The following PRDM7 variants were observed in gnomAD, a reference collection of about 807,000 sequenced individuals.
PRDM7 encodes histone-lysine N-methyltransferase PRDM7.
A neutral mutation model predicts 64.3 loss-of-function variants in PRDM7; 52 were observed. The observed-to-expected ratio is 0.81, with a 90% CI of 0.65 to 1.02. The LOEUF is 1.02. Among genes scored for constraint, PRDM7 ranks in the 50% least tolerant of loss-of-function variants. The pLI, the probability that PRDM7 is intolerant of heterozygous loss-of-function variation, is 0.00. For synonymous variants in PRDM7, 192 were observed against 210.1 expected, an observed-to-expected ratio of 0.91 and a Z score of 0.74; for missense variants, 574 against 597.1, an observed-to-expected ratio of 0.96 and a Z score of 0.40.
Position 90,057,718 on chromosome 16 carries a change from G to A in PRDM7, c.*571C>T, listed in dbSNP as rs1240457519. On this transcript the variant is annotated 3_prime_UTR_variant, in exon 11 of 11. Transcript: ENST00000449207. ...TTATTTCCGATCTCTTTACACTCTC[G>A]GGGAATGTAAGGGGTTAGCAGACTT... The A allele has an allele frequency of 8.9e-6, 11 of 1,233,044 alleles. No individual in the cohort carries two copies. The highest frequency in any genetic ancestry group is 7.9e-5 in the African/African-American group (5 of 63,470). 76.4% of individuals were successfully genotyped at this position (1,233,044 alleles called of 1,614,324 possible). A position where few individuals can be genotyped will look rare whatever the true frequency, so the allele number is the denominator to read the frequency against.
At chr16:90,066,828 G>T (rs1014843955) in intron 5 of PRDM7, 33 bp downstream of exon 5, 2 of 1,532,644 alleles carry the variant, frequency 1.3e-6, no homozygotes, top group African/African-American at 1.4e-5. Flanking sequence ...TATGAGGAAG[G>T]TTTCTTGTCA....
chr16:90,072,074 C>CA (rs1442403508), intron 4 of PRDM7, among the ~76,000 whole-genome samples: 1 of 151,682 alleles, frequency 6.6e-6, no homozygotes, highest in Non-Finnish European at 1.5e-5. Flanking sequence ...ACTAAAAATA[C>CA]AAAAAAATTA....
chr16:90,062,567 A>C lies in PRDM7; in HGVS notation c.509-65T>G. ...GGGGTGTTTGTCCTTGTTTCATAAG[A>C]AAATGTGAAATCTCCTACCATCAAA... On this transcript the variant is annotated intron_variant, in intron 6 of 10. Transcript: ENST00000449207. The C allele has an allele frequency of 3.7e-6, 5 of 1,338,446 alleles. No individual in the cohort carries two copies. In the East Asian group the frequency reaches 1.1e-4, roughly 31 times the overall value. 82.9% of individuals were successfully genotyped at this position (1,338,446 alleles called of 1,614,324 possible).
At chr16:90,070,997 T>C (rs1453763047) in intron 4 of PRDM7, among the ~76,000 whole-genome samples, 1 of 152,252 alleles carries the variant, frequency 6.6e-6, no homozygotes, top group Non-Finnish European at 1.5e-5. Context: ...CCTGTTATGA[T>C]AGCCTCTGTC....
rs2037841769 is a variant in PRDM7 at position 90,064,644 on chromosome 16, C to G, written c.352-876G>C. Reference sequence around the variant, plus strand: ...GGCCAGGCTGGTCTAGAACTCCTCACCTCAAGTGATCCACCCACCTCAGCC... The same window carrying G: ...GGCCAGGCTGGTCTAGAACTCCTCAGCTCAAGTGATCCACCCACCTCAGCC... On this transcript the variant is annotated intron_variant, in intron 5 of 10. Coordinates refer to ENST00000449207, the MANE Select transcript of PRDM7 (RefSeq NM_001098173.2). 2.1e-5 allele frequency among the ~76,000 whole-genome samples: 3 copies of G among 143,530 alleles called. 1 individual carries two copies. Among genetic ancestry groups the G allele is most frequent in the African/African-American group, 8.5e-5 (3 of 35,352 alleles). The allele number at this position is 143,530 out of a possible 152,430, so 94.2% of individuals were successfully genotyped here.
chr16:90,075,925 C>T lies in PRDM7; in HGVS notation c.-15G>A, dbSNP rs776845527. ...TCAGGGCTCATGGTGCTGGGACTGTCTAGAAGGCCCTGCTCCAATTCTGAG... is the reference window on the plus strand; with the variant it reads ...TCAGGGCTCATGGTGCTGGGACTGTTTAGAAGGCCCTGCTCCAATTCTGAG... On this transcript the variant is annotated 5_prime_UTR_variant, in exon 2 of 11. Transcript: ENST00000449207. The surrounding 1 kb of genome is among the most constrained non-coding windows in gnomAD (Gnocchi z 4.3). The T allele has an allele frequency of 5.6e-6, 9 of 1,612,080 alleles. No individual in the cohort carries two copies. Among genetic ancestry groups the T allele is most frequent in the South Asian group, 2.2e-5 (2 of 90,666 alleles).
Position 90,062,045 on chromosome 16 carries a change from A to T in PRDM7, c.758T>A (p.Ile253Asn), listed in dbSNP as rs781579866. The change falls in exon 8 of 11, where the codon ATC becomes AAC. Residue 253 changes from isoleucine (I) to asparagine (N), a missense_variant. Coordinates refer to ENST00000449207, the MANE Select transcript of PRDM7 (RefSeq NM_001098173.2). ...PPGLRIGPSG[I>N]PQAGLGVWNE... The stretch of plus-strand genomic sequence containing the variant: ...CCATACTCCAAGCCCAGCCTGAGGG[A>T]TGCCTGATGGCCCAATTCTCAGCCC... The T allele has an allele frequency of 6.2e-6, 10 of 1,614,238 alleles. No individual in the cohort carries two copies. The South Asian group carries it at 9.9e-5, about 16-fold the overall frequency.
In PRDM7 at chr16:90,063,754, C is replaced by T. The variant is rs184928418; in HGVS notation, c.366G>A (p.Ala122=). ...TCAAACTAGATTCATTATTGAATGA[C>T]GCCTTGGGCATTCCCTTTAATGTGA... is the stretch of plus-strand genomic sequence containing the variant. ...QSKHQKGMPK[A]SFNNESSLRE... is the part of the protein sequence containing the mutation. The change falls in exon 6 of 11, where the codon GCG becomes GCA. Residue 122 remains alanine (A), a synonymous_variant. Coordinates refer to ENST00000449207, the MANE Select transcript of PRDM7 (RefSeq NM_001098173.2). The T allele has an allele frequency of 7.8e-4, 1,265 of 1,614,150 alleles. 21 individuals carry two copies. The Middle Eastern group carries it at 0.012, about 15-fold the overall frequency.
intron 4 of PRDM7, among the ~76,000 whole-genome samples, chr16:90,067,589 C>CTTTTT (rs1220091658): frequency 1.6e-5 from 2 of 126,512 alleles, no homozygotes; most frequent in Admixed American, 8.7e-5. Flanking sequence ...AAGAAAAGCC[C>CTTTTT]TTTTTTTTTT....
chr16:90,063,744 T>A lies in PRDM7; in HGVS notation c.376A>T (p.Asn126Tyr), dbSNP rs139944062. The change falls in exon 6 of 11, where the codon AAT becomes TAT. Residue 126 changes from asparagine to tyrosine, a missense_variant. By Grantham distance (143) the Asn-to-Tyr change is moderately radical. Coordinates refer to ENST00000449207, the MANE Select transcript of PRDM7 (RefSeq NM_001098173.2). ...QKGMPKASFN[N>Y]ESSLRELSGT... ...GACAATTCTCTCAAACTAGATTCAT[T>A]ATTGAATGACGCCTTGGGCATTCCC... is the stretch of plus-strand genomic sequence containing the variant. The A allele has an allele frequency of 2.7e-4, 433 of 1,614,216 alleles. 4 individuals are homozygous for A. In the African/African-American group the frequency reaches 5.2e-3, roughly 19 times the overall value.
In PRDM7 at chr16:90,059,342, C is replaced by T. The variant is rs181619732; in HGVS notation, c.1234-808G>A. ...TCATGTCTGAGTTATTTCATTCAGT[C>T]TGAACCCATTTTAAATATAATAGGA... On this transcript the variant is annotated intron_variant, in intron 10 of 10. Transcript: ENST00000449207. Among the ~76,000 whole-genome samples the T allele has an allele frequency of 2.0e-5, 3 of 152,342 alleles. No individual in the cohort carries two copies. In the East Asian group the frequency reaches 5.8e-4, roughly 29 times the overall value.
chr16:90,075,396 G>A lies in PRDM7; in HGVS notation c.148C>T (p.Arg50Cys). 1.9e-6 allele frequency: 3 copies of A among 1,614,160 alleles called. No homozygotes were observed. Among genetic ancestry groups the A allele is most frequent in the Non-Finnish European group, 2.5e-6 (3 of 1,180,036 alleles). ...TAGTTCATTTTCACATTCCTATAGC[G>A]AGTTTTCTCCCAGTCTCCCATTTCT... is the stretch of plus-strand genomic sequence containing the variant. ...WAEMGDWEKT[R>C]YRNVKMNYNA... Residue 50 changes from arginine to cysteine, a missense_variant, in exon 3 of 11, where the codon CGC becomes TGC. Physicochemically the swap from Arg to Cys is radical, Grantham distance 180. Coordinates refer to ENST00000449207, the MANE Select transcript of PRDM7 (RefSeq NM_001098173.2). This position sits in a 1 kb window ranked among gnomAD's most constrained non-coding sequence, Gnocchi z 4.3.
chr16:90,057,883 C>T lies in PRDM7; in HGVS notation c.*406G>A. 1.3e-6 allele frequency: 2 copies of T among 1,525,118 alleles called. No homozygotes were observed. 94.5% of individuals were successfully genotyped at this position (1,525,118 alleles called of 1,614,324 possible). A position where few individuals can be genotyped will look rare whatever the true frequency, so the allele number is the denominator to read the frequency against. ...CTGGGGCGTCTCCCCTGTGTGTCCT[C>T]TGGTGAATGAGGAGGACTGACTTCC... On this transcript the variant is annotated 3_prime_UTR_variant, in exon 11 of 11. Transcript: ENST00000449207.
Position 90,076,761 on chromosome 16 carries a change from T to A in PRDM7, c.-86+465A>T, listed in dbSNP as rs550610739. ...CCTCGGGATGAAAGGATTTGGGATA[T>A]TTGAGGCTGAGGAAATTCTGGGTCT... On this transcript the variant is annotated intron_variant, in intron 1 of 10. Coordinates refer to ENST00000449207, the MANE Select transcript of PRDM7 (RefSeq NM_001098173.2). Among the ~76,000 whole-genome samples, 10 of 152,144 alleles carry A rather than the reference T, an allele frequency of 6.6e-5. No individual in the cohort carries two copies. The East Asian group carries it at 1.9e-3, about 29-fold the overall frequency.
At chr16:90,062,572 G>T in intron 6 of PRDM7, 70 bp from the exon 7 acceptor site, 3 of 1,298,626 alleles carry the variant, frequency 2.3e-6, no homozygotes, top group Non-Finnish European at 2.2e-6. Flanking sequence ...ATAAGAAAAT[G>T]TGAAATCTCC....
intron 4 of PRDM7, among the ~76,000 whole-genome samples, chr16:90,074,118 T>G (rs373596875): frequency 6.6e-6 from 1 of 151,584 alleles, no homozygotes; most frequent in Non-Finnish European, 1.5e-5. Context: ...CTGGGGGCTA[T>G]GCACGGTGGC....
chr16:90,061,661 T>G (rs1308213943), intron 8 of PRDM7, 142 bp from the exon 9 acceptor site: 2 of 1,167,182 alleles, frequency 1.7e-6, no homozygotes, highest in African/African-American at 3.1e-5. Flanking sequence ...TTAGTCATCA[T>G]CTACACATCT....
In PRDM7 at chr16:90,062,273, C is replaced by CA. The variant is rs2037793468; in HGVS notation, c.611-82dup. ...AGAGCTTCAGAAAGAGCGTGGCACT[C>CA]ACATTATTTAGCCCCAATCCTGTAC... On this transcript the variant is annotated intron_variant, in intron 7 of 10. Coordinates refer to ENST00000449207, the MANE Select transcript of PRDM7 (RefSeq NM_001098173.2). 6.2e-6 allele frequency: 10 copies of CA among 1,613,932 alleles called. No individual in the cohort carries two copies. In the South Asian group the frequency reaches 1.1e-4, roughly 18 times the overall value.
rs544684568 is a variant in PRDM7, at chr16:90,057,638, T to C, written c.*651A>G. ...GACGTCCCCCGAACACTTACAGAAC[T>C]ATCCCCTGTTCTTCCTCAACTCTAG... On this transcript the variant is annotated 3_prime_UTR_variant, in exon 11 of 11. Coordinates refer to ENST00000449207, the MANE Select transcript of PRDM7 (RefSeq NM_001098173.2). 4 of 1,024,058 alleles carry C rather than the reference T, an allele frequency of 3.9e-6. No homozygotes were observed. The Admixed American group carries it at 1.5e-4, about 38-fold the overall frequency. 63.4% of individuals were successfully genotyped at this position (1,024,058 alleles called of 1,614,324 possible). A position where few individuals can be genotyped will look rare whatever the true frequency, so the allele number is the denominator to read the frequency against.
Sources: allele counts gnomAD v4.1 joint callset (sites outside exome capture counted in the v4.1 genomes callset), GRCh38; gene constraint gnomAD v4.1.1; non-coding constraint Gnocchi (gnomAD v3.1); transcripts MANE v1.5; gene names NCBI Gene and HGNC (gene_info 2026-07-23, HGNC 2026-07-21).